Variants in MGMT observed in about 807,000 individuals in gnomAD.
MGMT encodes O-6-methylguanine-DNA methyltransferase, also known as methylated-DNA--protein-cysteine methyltransferase.
MGMT carries 14 observed loss-of-function variants against 15.9 expected under a neutral mutation model. That is an observed-to-expected ratio of 0.88 (90% CI 0.58 to 1.37). The LOEUF (loss-of-function observed/expected upper bound fraction) is 1.37, where lower values mean the gene tolerates loss of function less well. Ranked by LOEUF, MGMT falls within the 40% of genes most tolerant of loss-of-function variation. The pLI, the probability that MGMT is intolerant of heterozygous loss-of-function variation, is 0.00. For missense variants in MGMT, 282 were observed against 268.1 expected (o/e 1.05, Z -0.36); for synonymous variants, 130 against 118.2 (o/e 1.10, Z -0.65).
intron 3 of MGMT, 132 bp downstream of exon 3, chr10:129,708,175 G>A: frequency 1.5e-6 from 2 of 1,298,738 alleles, no homozygotes; most frequent in South Asian, 2.9e-5. Flanking sequence ...GCAGCGTTTG[G>A]CCGAGCTGGA....
chr10:129,657,423 C>T (rs1339494950), intron 2 of MGMT, among the ~76,000 whole-genome samples: 3 of 151,208 alleles, frequency 2.0e-5, no homozygotes, highest in Non-Finnish European at 4.4e-5. Context: ...GGGGGAGCAA[C>T]AAACAAAACA....
intron 2 of MGMT, among the ~76,000 whole-genome samples, chr10:129,633,567 C>A (rs1847234829): frequency 6.6e-6 from 1 of 152,138 alleles, no homozygotes; most frequent in Admixed American, 6.5e-5. Flanking sequence ...AAACTAGCGA[C>A]TTCATTTTAT....
intron 3 of MGMT, among the ~76,000 whole-genome samples, chr10:129,727,519 A>G (rs2133159635): frequency 6.6e-6 from 1 of 152,306 alleles, no homozygotes. Flanking sequence ...GAAGTTGGGG[A>G]TTATCTGTTA....
At chr10:129,610,400 T>C (rs1016215390) in intron 2 of MGMT, among the ~76,000 whole-genome samples, 5 of 152,250 alleles carry the variant, frequency 3.3e-5, no homozygotes, top group Admixed American at 1.3e-4. Flanking sequence ...CCCTCCTTGC[T>C]GTTCTGGAAC....
chr10:129,598,727 T>C (rs1295121175), intron 2 of MGMT, among the ~76,000 whole-genome samples: 1 of 152,212 alleles, frequency 6.6e-6, no homozygotes, highest in East Asian at 1.9e-4. Flanking sequence ...GATAATTAAG[T>C]GTCTGCTTCT....
chr10:129,526,147 G>A lies in MGMT; in HGVS notation c.-12-10094G>A, dbSNP rs541601120. The stretch of plus-strand genomic sequence containing the variant: ...GTCTCAGCCGTGGCCCTTTATACTT[G>A]GTGAGCATCAGCCACACCACGTGGC... On this transcript the variant is annotated intron_variant, in intron 1 of 4. Transcript: ENST00000651593. Among the ~76,000 whole-genome samples, 6 of 152,312 alleles carry A rather than the reference G, an allele frequency of 3.9e-5. No individual in the cohort carries two copies. The East Asian group carries it at 1.2e-3, about 29-fold the overall frequency.
At chr10:129,486,172 CTTCTCTT>C (rs11277072) in intron 1 of MGMT, among the ~76,000 whole-genome samples, 5,924 of 133,158 alleles carry the variant, frequency 0.044, 367 homozygotes, top group African/African-American at 0.16. Flanking sequence ...GTTCTCTTCT[CTTCTCTT>C]TTTTTTTTTT....
intron 2 of MGMT, among the ~76,000 whole-genome samples, chr10:129,676,068 G>A (rs1847781967): frequency 6.6e-6 from 1 of 152,126 alleles, no homozygotes; most frequent in African/African-American, 2.4e-5. Context: ...GGCTGAGCAG[G>A]GTGCACCCTA....
At chr10:129,737,091 T>G (rs1848572217) in intron 3 of MGMT, among the ~76,000 whole-genome samples, 1 of 151,960 alleles carries the variant, frequency 6.6e-6, no homozygotes, top group African/African-American at 2.4e-5. Flanking sequence ...ATTTCCTGAA[T>G]CTGAATGTTG....
intron 3 of MGMT, among the ~76,000 whole-genome samples, chr10:129,727,856 G>C (rs957102061): frequency 2.0e-5 from 3 of 152,232 alleles, no homozygotes; most frequent in African/African-American, 7.2e-5. Context: ...GGAGGAGGTA[G>C]CATTTGCACC....
chr10:129,575,626 T>C (rs964621811), intron 2 of MGMT, among the ~76,000 whole-genome samples: 3 of 147,332 alleles, frequency 2.0e-5, no homozygotes, highest in Non-Finnish European at 4.5e-5. Context: ...TTAAAAGAAC[T>C]AGAGAAGCAA....
intron 1 of MGMT, among the ~76,000 whole-genome samples, chr10:129,482,725 T>C (rs1427387673): frequency 1.3e-5 from 2 of 152,210 alleles, no homozygotes; most frequent in East Asian, 3.8e-4. Flanking sequence ...TTTCTTTTGA[T>C]TAGTGTTTCT....
intron 2 of MGMT, among the ~76,000 whole-genome samples, chr10:129,543,994 A>C (rs1846072536): frequency 6.6e-6 from 1 of 152,214 alleles, no homozygotes; most frequent in Non-Finnish European, 1.5e-5. Flanking sequence ...AGGCAGAGAG[A>C]GGTGGATGTT....
At chr10:129,547,922 G>T (rs1030817240) in intron 2 of MGMT, among the ~76,000 whole-genome samples, 1 of 152,242 alleles carries the variant, frequency 6.6e-6, no homozygotes, top group African/African-American at 2.4e-5. Context: ...ACTTGTTCTT[G>T]TTCCCAAGAA....
At chr10:129,639,455 A>G (rs887824293) in intron 2 of MGMT, among the ~76,000 whole-genome samples, 2 of 152,206 alleles carry the variant, frequency 1.3e-5, no homozygotes, top group Non-Finnish European at 2.9e-5. Context: ...TGATCAACAG[A>G]TCCTAAAATC....
At chr10:129,489,900 C>T (rs1845451201) in intron 1 of MGMT, among the ~76,000 whole-genome samples, 1 of 152,134 alleles carries the variant, frequency 6.6e-6, no homozygotes, top group Non-Finnish European at 1.5e-5. Flanking sequence ...TTCTTCTACT[C>T]TGTAAACCAT....
chr10:129,706,148 C>A lies in MGMT; in HGVS notation c.126-1747C>A, dbSNP rs184897554. On this transcript the variant is annotated intron_variant, in intron 2 of 4. Transcript: ENST00000651593. ...ACAAAGTGCCCTTCCCGCCCTGACA[C>A]GCACAGTCCTTGCCCACCTTTCTGT... Among the ~76,000 whole-genome samples, 324 of 152,334 alleles carry A rather than the reference C, an allele frequency of 2.1e-3. 2 individuals carry two copies. Among genetic ancestry groups the A allele is most frequent in the Non-Finnish European group, 2.4e-3 (162 of 68,036 alleles).
chr10:129,588,327 G>A (rs1288636348), intron 2 of MGMT, among the ~76,000 whole-genome samples: 7 of 152,174 alleles, frequency 4.6e-5, no homozygotes, highest in Admixed American at 2.0e-4. Flanking sequence ...CCCATGGGGC[G>A]GATGAGACAG....
intron 2 of MGMT, among the ~76,000 whole-genome samples, chr10:129,664,982 G>C (rs755042276): frequency 2.0e-5 from 3 of 152,078 alleles, no homozygotes; most frequent in African/African-American, 7.2e-5. Context: ...AGTCCATTGC[G>C]GGGGAAAATG....
Sources: gnomAD v4.1 joint callset for allele counts (sites outside exome capture counted in the v4.1 genomes callset) on GRCh38, gnomAD v4.1.1 for gene constraint, MANE v1.5 for transcripts, NCBI Gene and HGNC (gene_info 2026-07-23, HGNC 2026-07-21) for gene names.